The following CIAO1 variants were observed in gnomAD, a reference collection of about 807,000 sequenced individuals.
CIAO1 encodes the protein cytosolic iron-sulfur assembly component 1, also known as probable cytosolic iron-sulfur protein assembly protein CIAO1.
CIAO1 carries 32 observed loss-of-function variants against 43.1 expected under a neutral mutation model. The ratio of observed to expected loss-of-function variants is 0.74; its 90% CI spans 0.56 to 1.00. The LOEUF (loss-of-function observed/expected upper bound fraction) is 1.00, where lower values mean the gene tolerates loss of function less well. Among genes scored for constraint, CIAO1 ranks in the 50% least tolerant of loss-of-function variants. CIAO1 has a pLI of 0.00. For synonymous variants in CIAO1, 183 were observed against 171.4 expected, an observed-to-expected ratio of 1.07 and a Z score of -0.53; for missense variants, 415 against 437.4, an observed-to-expected ratio of 0.95 and a Z score of 0.46.
Position 96,267,866 on chromosome 2 carries a change from G to A in CIAO1, c.431G>A (p.Ser144Asn), listed in dbSNP as rs1185902160. ...VDEEDEYECV[S>N]VLNSHTQDVK... ...GAAGAGGATGAGTATGAATGTGTCA[G>A]TGTTCTCAACTCCCACACACAGGAT... is the stretch of plus-strand genomic sequence containing the variant. The change falls in exon 4 of 7, where the codon AGT becomes AAT. Residue 144 changes from serine (S) to asparagine (N), a missense_variant. Ser to Asn is a conservative substitution (Grantham distance 46, BLOSUM62 1). Coordinates refer to ENST00000488633, the MANE Select transcript of CIAO1 (RefSeq NM_004804.3). 1.2e-5 allele frequency: 20 copies of A among 1,614,054 alleles called. No individual in the cohort carries two copies. In the Admixed American group the frequency reaches 3.2e-4, roughly 26 times the overall value.
At chr2:96,266,711 A>C (rs1049549647) in intron 1 of CIAO1, among the ~76,000 whole-genome samples, 2 of 152,246 alleles carry the variant, frequency 1.3e-5, no homozygotes, top group Non-Finnish European at 2.9e-5. Context: ...TTAGCTGCAG[A>C]GGCAGGAAAA....
At chr2:96,270,932 G>A (rs1684538084) in intron 6 of CIAO1, among the ~76,000 whole-genome samples, 179 bp from the exon 7 acceptor site, 1 of 152,044 alleles carries the variant, frequency 6.6e-6, no homozygotes, top group Non-Finnish European at 1.5e-5. Flanking sequence ...GAACTAGATT[G>A]CAGCATCTGA....
chr2:96,271,124 G>A lies in CIAO1; in HGVS notation c.793G>A (p.Gly265Arg), dbSNP rs1305169774. ...CTTTCCTTCCAGGTGTCAGCTGACA[G>A]GGGCTCTGGCCACAGCTTGTGGGGA... ...IYDIAWCQLT[G>R]ALATACGDDA... The change falls in exon 7 of 7, where the codon GGG (glycine) becomes AGG (arginine). Residue 265 changes from glycine to arginine, a missense_variant. Coordinates refer to ENST00000488633, the MANE Select transcript of CIAO1 (RefSeq NM_004804.3). 1.2e-6 allele frequency: 2 copies of A among 1,614,092 alleles called. No individual in the cohort carries two copies. Among genetic ancestry groups the A allele is most frequent in the East Asian group, 2.2e-5 (1 of 44,884 alleles).
Position 96,267,207 on chromosome 2 carries a change from A to T in CIAO1, c.140-114A>T. On this transcript the variant is annotated intron_variant, in intron 1 of 6. Coordinates refer to ENST00000488633, the MANE Select transcript of CIAO1 (RefSeq NM_004804.3). ...ATTTGCATCTTTGTAAAAGCTGTGA[A>T]ATACACTCCCTGAGCTTTCCCCCAC... 3.9e-6 allele frequency: 4 copies of T among 1,028,114 alleles called. No homozygotes were observed. The South Asian group carries it at 8.6e-5, about 22-fold the overall frequency. The allele number at this position is 1,028,114 out of a possible 1,614,324, so 63.7% of individuals were successfully genotyped here. A position where few individuals can be genotyped will look rare whatever the true frequency, so the allele number is the denominator to read the frequency against.
intron 4 of CIAO1, 172 bp downstream of exon 4, chr2:96,268,096 A>C (rs1000347573): frequency 1.5e-6 from 1 of 655,124 alleles, no homozygotes; most frequent in Non-Finnish European, 2.7e-6. Context: ...GCTCACACCT[A>C]TAATCTCAGC....
Position 96,266,293 on chromosome 2 carries a change from A to AC in CIAO1, c.-55dup. 7.6e-7 allele frequency: 1 copy of AC among 1,315,468 alleles called. No homozygotes were observed. Among genetic ancestry groups the AC allele is most frequent in the Non-Finnish European group, 9.8e-7 (1 of 1,023,058 alleles). 81.5% of individuals were successfully genotyped at this position (1,315,468 alleles called of 1,614,324 possible). On this transcript the variant is annotated 5_prime_UTR_variant, in exon 1 of 7. Transcript: ENST00000488633. ...GCGGTACGCAGACGCGCGCGGTGAG[A>AC]CCCGCTGTCTGCTCAGCGGACTCTG...
At chr2:96,271,058 G>A in intron 6 of CIAO1, 53 bp from the exon 7 acceptor site, 1 of 1,606,784 alleles carries the variant, frequency 6.2e-7, no homozygotes, top group South Asian at 1.1e-5. Context: ...TATGGAACAG[G>A]TCTCTCTGGC....
At chr2:96,269,924 CAT>C (rs1684513940) in intron 6 of CIAO1, among the ~76,000 whole-genome samples, 1 of 152,012 alleles carries the variant, frequency 6.6e-6, no homozygotes, top group Non-Finnish European at 1.5e-5. Flanking sequence ...GGATTACAGG[CAT>C]GAGCCACCGC....
At chr2:96,269,494 ACT>A in intron 6 of CIAO1, 139 bp downstream of exon 6, 1 of 754,620 alleles carries the variant, frequency 1.3e-6, no homozygotes, top group Non-Finnish European at 2.3e-6. Flanking sequence ...ATCAGGCCTG[ACT>A]CTACCATGCT....
intron 5 of CIAO1, 156 bp from the exon 6 acceptor site, chr2:96,269,112 T>C (rs909035908): frequency 3.8e-5 from 25 of 666,116 alleles, no homozygotes; most frequent in Admixed American, 1.5e-4. Flanking sequence ...CCAGTCTGGC[T>C]ATAGTGTGTA....
At chr2:96,270,646 C>T (rs1416739963) in intron 6 of CIAO1, among the ~76,000 whole-genome samples, 1 of 151,638 alleles carries the variant, frequency 6.6e-6, no homozygotes, top group Admixed American at 6.6e-5. Flanking sequence ...CCTGTCTCTA[C>T]TGAAAATACA....
chr2:96,266,545 G>A, intron 1 of CIAO1, 56 bp downstream of exon 1: 1 of 1,347,256 alleles, frequency 7.4e-7, no homozygotes, highest in Non-Finnish European at 9.6e-7. Context: ...CCTGCGCGTA[G>A]TGCAGGCGCT....
chr2:96,270,679 A>C lies in CIAO1; in HGVS notation c.780-432A>C, dbSNP rs141745947. 4.3e-3 allele frequency among the ~76,000 whole-genome samples: 637 copies of C among 149,228 alleles called. 5 individuals carry two copies. Among genetic ancestry groups the C allele is most frequent in the African/African-American group, 0.015 (605 of 40,454 alleles). On this transcript the variant is annotated intron_variant, in intron 6 of 6. Coordinates refer to ENST00000488633, the MANE Select transcript of CIAO1 (RefSeq NM_004804.3). ...ACAAAAATTAGCCGGGCATGGTGGC[A>C]CATGCCTGTAGTCCCAGCTACTCAG...
rs890120462 is a variant in CIAO1 at position 96,271,656 on chromosome 2, G to C, written c.*305G>C. ...TTTATAATCACTATATATAGTAGGA[G>C]GGGGTATGTGTCTCAGGCTTTTCTG... On this transcript the variant is annotated 3_prime_UTR_variant, in exon 7 of 7. Transcript: ENST00000488633. 4.3e-6 allele frequency: 1 copy of C among 231,364 alleles called. No individual in the cohort carries two copies. Among genetic ancestry groups the C allele is most frequent in the Admixed American group, 5.2e-5 (1 of 19,254 alleles). The allele number at this position is 231,364 out of a possible 1,614,324, so 14.3% of individuals were successfully genotyped here.
At position 96,269,361 on chromosome 2, in the gene CIAO1, A is replaced by G; in HGVS notation, c.779+6A>G. ...ACCATTTATGACATTGCTTGGTAAG[A>G]CTCCATCCCCCCACCCCATCCCATC... On this transcript the variant is annotated splice_donor_region_variant and intron_variant, in intron 6 of 6. Transcript: ENST00000488633. 2 of 1,611,858 alleles carry G rather than the reference A, an allele frequency of 1.2e-6. No individual in the cohort carries two copies.
chr2:96,267,478 G>A lies in CIAO1; in HGVS notation c.288+9G>A. The A allele has an allele frequency of 6.2e-7, 1 of 1,613,902 alleles. No individual in the cohort carries two copies. The highest frequency in any genetic ancestry group is 8.5e-7 in the Non-Finnish European group (1 of 1,179,784). On this transcript the variant is annotated intron_variant, in intron 2 of 6. Transcript: ENST00000488633. ...ACCAGGATGACTTTGAGGTACCCAG[G>A]CTGGTTGGGACCAGAATTATTGCCT... is the stretch of plus-strand genomic sequence containing the variant.
At position 96,266,335 on chromosome 2, in the gene CIAO1, C is replaced by T. The variant is rs939033128; in HGVS notation, c.-16C>T. ...CGGACTCTGCCCGCCCCCACCTCCC[C>T]CTGCGTCGGGCCGACATGAAGGACT... is the stretch of plus-strand genomic sequence containing the variant. On this transcript the variant is annotated 5_prime_UTR_variant, in exon 1 of 7. Coordinates refer to ENST00000488633, the MANE Select transcript of CIAO1 (RefSeq NM_004804.3). 1 of 1,394,844 alleles carries T rather than the reference C, an allele frequency of 7.2e-7. No individual in the cohort carries two copies. Among genetic ancestry groups the T allele is most frequent in the Admixed American group, 2.5e-5 (1 of 39,250 alleles). 86.4% of individuals were successfully genotyped at this position (1,394,844 alleles called of 1,614,324 possible). A position where few individuals can be genotyped will look rare whatever the true frequency, so the allele number is the denominator to read the frequency against.
At chr2:96,266,633 G>T in intron 1 of CIAO1, 144 bp downstream of exon 1, 1 of 928,288 alleles carries the variant, frequency 1.1e-6, no homozygotes. Flanking sequence ...GGCTTTACAG[G>T]CAAAGAAGTC....
chr2:96,267,204 T>G, intron 1 of CIAO1, 117 bp from the exon 2 acceptor site: 2 of 874,080 alleles, frequency 2.3e-6, no homozygotes, highest in Non-Finnish European at 3.2e-6. Flanking sequence ...GTAAAAGCTG[T>G]GAAATACACT....
Sources: allele counts gnomAD v4.1 joint callset (sites outside exome capture counted in the v4.1 genomes callset), GRCh38; gene constraint gnomAD v4.1.1; transcripts MANE v1.5; gene names NCBI Gene and HGNC (gene_info 2026-07-23, HGNC 2026-07-21).